The following PCDHGB6 variants were observed in gnomAD, a reference collection of about 807,000 sequenced individuals.
PCDHGB6 encodes protocadherin gamma subfamily B, 6.
A neutral mutation model predicts 59.1 loss-of-function variants in PCDHGB6; 51 were observed. The observed-to-expected ratio is 0.86, with a 90% confidence interval of 0.69 to 1.09. The LOEUF is 1.09. Among genes scored for constraint, PCDHGB6 ranks in the 50% least tolerant of loss-of-function variants. PCDHGB6 has a pLI of 0.00. For missense variants in PCDHGB6, 1,148 were observed against 1,205.1 expected (o/e 0.95, Z 0.70); for synonymous variants, 466 against 495.1 (o/e 0.94, Z 0.78).
rs746242389 is a variant in PCDHGB6 at position 141,491,254 on chromosome 5, G to C, written c.2419-3553G>C. 3 of 1,614,080 alleles carry C rather than the reference G, an allele frequency of 1.9e-6. No individual in the cohort carries two copies. In the African/African-American group the frequency reaches 4.0e-5, roughly 22 times the overall value. On this transcript the variant is annotated intron_variant, in intron 1 of 3. Transcript: ENST00000520790. This position sits in a 1 kb window ranked among gnomAD's most constrained non-coding sequence, Gnocchi z 6.9. ...GCTGGTTCTGGAGGATGAGGACCCT[G>C]AGGAAATGCCCAAATCCAGTGACTT...
intron 1 of PCDHGB6, among the ~76,000 whole-genome samples, chr5:141,450,812 T>A (rs2098694727): frequency 7.5e-6 from 1 of 133,924 alleles, no homozygotes; most frequent in Admixed American, 7.4e-5. Context: ...ATTTATTTAT[T>A]TAATATTATT....
At position 141,476,753 on chromosome 5, in the gene PCDHGB6, G is replaced by C; in HGVS notation, c.2419-18054G>C. On this transcript the variant is annotated intron_variant, in intron 1 of 3. Coordinates refer to ENST00000520790, the MANE Select transcript of PCDHGB6 (RefSeq NM_018926.3). This position sits in a 1 kb window ranked among gnomAD's most constrained non-coding sequence, Gnocchi z 7.6. Reference sequence around the variant, plus strand: ...AGAACGGGAGCCTAGTCTCCAGTTAGTGCTGACGGCGTTGGACGGAGGGAC... The same window carrying C: ...AGAACGGGAGCCTAGTCTCCAGTTACTGCTGACGGCGTTGGACGGAGGGAC... 3.1e-6 allele frequency: 5 copies of C among 1,614,012 alleles called. No individual in the cohort carries two copies. The highest frequency in any genetic ancestry group is 4.2e-6 in the Non-Finnish European group (5 of 1,180,030).
intron 1 of PCDHGB6, chr5:141,413,070 T>C: frequency 8.4e-7 from 1 of 1,195,132 alleles, no homozygotes; most frequent in African/African-American, 1.5e-5. Context: ...GAATTTAAAG[T>C]GCCCAGGCTA....
At chr5:141,445,284 C>A (rs2098462533) in intron 1 of PCDHGB6, among the ~76,000 whole-genome samples, 1 of 152,178 alleles carries the variant, frequency 6.6e-6, no homozygotes, top group African/African-American at 2.4e-5. Flanking sequence ...TGCATAAGTT[C>A]AGGCTTCCAT....
chr5:141,475,254 C>T (rs776471860), intron 1 of PCDHGB6, among the ~76,000 whole-genome samples: 9 of 152,208 alleles, frequency 5.9e-5, no homozygotes, highest in Admixed American at 1.3e-4. Flanking sequence ...TGCTCTACAA[C>T]TGAGATCATG....
intron 1 of PCDHGB6, chr5:141,414,991 G>T (rs1162432290): frequency 1.9e-6 from 3 of 1,613,766 alleles, no homozygotes; most frequent in Non-Finnish European, 1.7e-6. Flanking sequence ...CGGCCAGAAC[G>T]CCTGGCTGTC....
chr5:141,508,139 G>C (rs1243018384), intron 3 of PCDHGB6: 1 of 152,514 alleles, frequency 6.6e-6, no homozygotes, highest in African/African-American at 2.4e-5. Flanking sequence ...CAGGGAGCTG[G>C]GGGCTGAGTT....
Position 141,511,429 on chromosome 5 carries a change from G to A in PCDHGB6, c.*256G>A, listed in dbSNP as rs1414641314. 1.3e-6 allele frequency: 1 copy of A among 769,620 alleles called. No individual in the cohort carries two copies. The highest frequency in any genetic ancestry group is 2.0e-6 in the Non-Finnish European group (1 of 505,154). The allele number at this position is 769,620 out of a possible 1,614,324, so 47.7% of individuals were successfully genotyped here. On this transcript the variant is annotated 3_prime_UTR_variant, in exon 4 of 4. Transcript: ENST00000520790. The stretch of plus-strand genomic sequence containing the variant: ...CTGCTGTACCCATGGGGGTAGTGGG[G>A]TTACTGTAGACACCAAGAACCATTT...
intron 1 of PCDHGB6, among the ~76,000 whole-genome samples, chr5:141,425,382 G>A (rs1455106607): frequency 1.3e-5 from 2 of 152,208 alleles, no homozygotes; most frequent in African/African-American, 4.8e-5. Context: ...TTGATTCGGA[G>A]GTAGTGATAA....
chr5:141,444,305 A>G (rs62379165), intron 1 of PCDHGB6, among the ~76,000 whole-genome samples: 13,327 of 151,310 alleles, frequency 0.088, 765 homozygotes, highest in African/African-American at 0.16. Context: ...CCTAGTAGCT[A>G]GGATTACAGG....
Position 141,491,737 on chromosome 5 carries a change from G to C in PCDHGB6, c.2419-3070G>C, listed in dbSNP as rs548808722. 1.2e-6 allele frequency: 2 copies of C among 1,600,586 alleles called. No homozygotes were observed. The highest frequency in any genetic ancestry group is 2.7e-5 in the African/African-American group (2 of 74,486). On this transcript the variant is annotated intron_variant, in intron 1 of 3. Transcript: ENST00000520790. The surrounding 1 kb of genome is among the most constrained non-coding windows in gnomAD (Gnocchi z 6.9). ...GGCGCCGCCCCGGGCGACCCCTGGG[G>C]GCGGCACTGGAGAAGCCGCCCGTCC...
chr5:141,491,483 A>ACCTGCAGGTGAGCTCGG lies in PCDHGB6; in HGVS notation c.2419-3323_2419-3307dup. The ACCTGCAGGTGAGCTCGG allele has an allele frequency of 3.1e-6, 5 of 1,614,018 alleles. No individual in the cohort carries two copies. The highest frequency in any genetic ancestry group is 4.2e-6 in the Non-Finnish European group (5 of 1,180,012). ...GACTTCTATAAGCAGTCCAGCCCCAACCTGCAGGTGAGCTCGGACGGCACG... is the reference window on the plus strand; with the variant it reads ...GACTTCTATAAGCAGTCCAGCCCCAACCTGCAGGTGAGCTCGGCCTGCAGGTGAGCTCGGACGGCACG... On this transcript the variant is annotated intron_variant, in intron 1 of 3. Coordinates refer to ENST00000520790, the MANE Select transcript of PCDHGB6 (RefSeq NM_018926.3). The surrounding 1 kb of genome is among the most constrained non-coding windows in gnomAD (Gnocchi z 6.9).
At position 141,476,499 on chromosome 5, in the gene PCDHGB6, T is replaced by A. The variant is rs763373223; in HGVS notation, c.2419-18308T>A. On this transcript the variant is annotated intron_variant, in intron 1 of 3. Coordinates refer to ENST00000520790, the MANE Select transcript of PCDHGB6 (RefSeq NM_018926.3). This position sits in a 1 kb window ranked among gnomAD's most constrained non-coding sequence, Gnocchi z 7.6. Reference sequence around the variant, plus strand: ...AGCGTGGAAGTGGTGATCCAGGACATCAACGACAACAATCCTGCTTTCCCT... The same window carrying A: ...AGCGTGGAAGTGGTGATCCAGGACAACAACGACAACAATCCTGCTTTCCCT... 3.1e-6 allele frequency: 5 copies of A among 1,613,992 alleles called. No individual in the cohort carries two copies. The South Asian group carries it at 5.5e-5, about 18-fold the overall frequency.
chr5:141,480,816 G>A (rs1400500941), intron 1 of PCDHGB6, among the ~76,000 whole-genome samples: 4 of 152,208 alleles, frequency 2.6e-5, no homozygotes, highest in Admixed American at 2.0e-4. Flanking sequence ...GGAGGCTGAG[G>A]TGGGTGGATC....
At position 141,485,321 on chromosome 5, in the gene PCDHGB6, C is replaced by G. The variant is rs780179631; in HGVS notation, c.2419-9486C>G. The G allele has an allele frequency of 6.2e-7, 1 of 1,614,154 alleles. No homozygotes were observed. Among genetic ancestry groups the G allele is most frequent in the Non-Finnish European group, 8.5e-7 (1 of 1,180,024 alleles). On this transcript the variant is annotated intron_variant, in intron 1 of 3. Transcript: ENST00000520790. This position sits in a 1 kb window ranked among gnomAD's most constrained non-coding sequence, Gnocchi z 5.7. The stretch of plus-strand genomic sequence containing the variant: ...AGGGACTTTTGTAGGGAATGTCGCT[C>G]AAGATTTCCTGCTGGATACGGACAG...
intron 2 of PCDHGB6, among the ~76,000 whole-genome samples, chr5:141,497,832 G>A (rs1326640712): frequency 1.3e-5 from 2 of 151,992 alleles, no homozygotes; most frequent in Non-Finnish European, 2.9e-5. Context: ...GATCGCCCCC[G>A]GCCACAACAA....
Position 141,476,559 on chromosome 5 carries a change from T to C in PCDHGB6, c.2419-18248T>C. The stretch of plus-strand genomic sequence containing the variant: ...ATGAAATTGGAGATTAGCGAGGCCG[T>C]GGCTCCGGGGACGCGCTTTCCGCTC... On this transcript the variant is annotated intron_variant, in intron 1 of 3. Coordinates refer to ENST00000520790, the MANE Select transcript of PCDHGB6 (RefSeq NM_018926.3). This position sits in a 1 kb window ranked among gnomAD's most constrained non-coding sequence, Gnocchi z 7.6. 4 of 1,614,228 alleles carry C rather than the reference T, an allele frequency of 2.5e-6. No homozygotes were observed. Among genetic ancestry groups the C allele is most frequent in the Non-Finnish European group, 3.4e-6 (4 of 1,180,036 alleles).
chr5:141,462,818 C>T (rs1280335120), intron 1 of PCDHGB6, among the ~76,000 whole-genome samples: 1 of 152,120 alleles, frequency 6.6e-6, no homozygotes, highest in East Asian at 1.9e-4. Flanking sequence ...TTTTATTGGA[C>T]AGCAGACATT....
At chr5:141,413,012 A>T in intron 1 of PCDHGB6, 1 of 657,714 alleles carries the variant, frequency 1.5e-6, no homozygotes, top group Non-Finnish European at 2.5e-6. Context: ...GGCTTCAACT[A>T]CACAAGCCCC....
Sources: gnomAD v4.1 joint callset for allele counts (sites outside exome capture counted in the v4.1 genomes callset) on GRCh38, gnomAD v4.1.1 for gene constraint, Gnocchi (gnomAD v3.1) non-coding constraint, MANE v1.5 for transcripts, NCBI Gene and HGNC (gene_info 2026-07-23, HGNC 2026-07-21) for gene names.